ARHGAP15: variants seen among roughly 807,000 people sequenced by gnomAD.
ARHGAP15 encodes the protein Rho GTPase activating protein 15.
In ARHGAP15, 51 loss-of-function variants were observed where a neutral mutation model predicts 63.7. That is an observed-to-expected ratio of 0.80 (90% CI 0.64 to 1.01). ARHGAP15 has a LOEUF of 1.01. Ranked by LOEUF, ARHGAP15 falls within the 50% of genes least tolerant of loss-of-function variation. ARHGAP15 has a pLI of 0.00. For synonymous variants in ARHGAP15, 191 were observed against 193.8 expected (o/e 0.99, Z 0.12); for missense variants, 560 against 564.6 (o/e 0.99, Z 0.08).
intron 6 of ARHGAP15, among the ~76,000 whole-genome samples, chr2:143,390,145 C>T (rs1235287301): frequency 6.6e-6 from 1 of 151,878 alleles, no homozygotes; most frequent in Non-Finnish European, 1.5e-5. Flanking sequence ...TATCTGACAC[C>T]ATCAGGCATA....
Position 143,228,687 on chromosome 2 carries a change from C to A in ARHGAP15, c.384+19C>A. The A allele has an allele frequency of 6.7e-7, 1 of 1,482,526 alleles. No individual in the cohort carries two copies. Among genetic ancestry groups the A allele is most frequent in the South Asian group, 1.4e-5 (1 of 73,396 alleles). 91.8% of individuals were successfully genotyped at this position (1,482,526 alleles called of 1,614,324 possible). ...CAATATGGTAAGTAATTCTCTGTTTCTATTGTTAAATATCTTTTCAGAAAT... is the reference window on the plus strand; with the variant it reads ...CAATATGGTAAGTAATTCTCTGTTTATATTGTTAAATATCTTTTCAGAAAT... On this transcript the variant is annotated intron_variant, in intron 5 of 13. Transcript: ENST00000295095.
rs542812982 is a variant in ARHGAP15 at position 143,481,414 on chromosome 2, AAAT to A, written c.704-5953_704-5951del. Among the ~76,000 whole-genome samples the A allele has an allele frequency of 1.3e-3, 196 of 152,288 alleles. 1 individual carries two copies. Among genetic ancestry groups the A allele is most frequent in the African/African-American group, 4.5e-3 (186 of 41,568 alleles). ...CCAGCACTTCCAAATTTCAAAAAAA[AAAT>A]AATAACAACATGTAATTGTAACATG... On this transcript the variant is annotated intron_variant, in intron 8 of 13. Transcript: ENST00000295095.
intron 13 of ARHGAP15, among the ~76,000 whole-genome samples, chr2:143,764,809 C>T (rs1686891684): frequency 6.6e-6 from 1 of 152,206 alleles, no homozygotes; most frequent in Non-Finnish European, 1.5e-5. Flanking sequence ...GTAACTCTAT[C>T]TTCAATCCTG....
chr2:143,441,854 A>G (rs900790985), intron 8 of ARHGAP15, among the ~76,000 whole-genome samples: 1 of 152,286 alleles, frequency 6.6e-6, no homozygotes, highest in Non-Finnish European at 1.5e-5. Context: ...TCTGGGTGAA[A>G]TCCTAAATGC....
chr2:143,744,751 G>A (rs1022246009), intron 13 of ARHGAP15, among the ~76,000 whole-genome samples: 1 of 152,120 alleles, frequency 6.6e-6, no homozygotes, highest in Non-Finnish European at 1.5e-5. Flanking sequence ...GACTATTATA[G>A]TTTTCCTATG....
At chr2:143,513,998 C>G (rs552789511) in intron 9 of ARHGAP15, among the ~76,000 whole-genome samples, 2 of 152,326 alleles carry the variant, frequency 1.3e-5, no homozygotes, top group African/African-American at 4.8e-5. Flanking sequence ...ATTGCAGGTG[C>G]ATGTGAGAAT....
At chr2:143,314,837 TCA>T in intron 6 of ARHGAP15, among the ~76,000 whole-genome samples, 1 of 148,018 alleles carries the variant, frequency 6.8e-6, no homozygotes, top group South Asian at 2.1e-4. Context: ...ATGAATGACA[TCA>T]CAACGCAATT....
At chr2:143,401,799 G>C (rs1687998535) in intron 6 of ARHGAP15, among the ~76,000 whole-genome samples, 1 of 151,840 alleles carries the variant, frequency 6.6e-6, no homozygotes, top group African/African-American at 2.4e-5. Context: ...TCCTATCGGT[G>C]GTGTGTGTCA....
chr2:143,339,590 C>T (rs541387846), intron 6 of ARHGAP15, among the ~76,000 whole-genome samples: 7 of 152,186 alleles, frequency 4.6e-5, no homozygotes, highest in Admixed American at 2.0e-4. Context: ...CTATTGGCAG[C>T]GAGGCCACCA....
At chr2:143,221,565 ACC>A (rs1418876614) in intron 4 of ARHGAP15, among the ~76,000 whole-genome samples, 1 of 152,302 alleles carries the variant, frequency 6.6e-6, no homozygotes, top group East Asian at 1.9e-4. Flanking sequence ...CCTGTAAGTA[ACC>A]CTGGCTTCTC....
intron 1 of ARHGAP15, among the ~76,000 whole-genome samples, chr2:143,135,286 T>C (rs1280980252): frequency 6.6e-6 from 1 of 152,224 alleles, no homozygotes; most frequent in Admixed American, 6.5e-5. Flanking sequence ...CTAGACAGAA[T>C]ATCTTATTTT....
intron 12 of ARHGAP15, among the ~76,000 whole-genome samples, chr2:143,673,153 T>G (rs1037612591): frequency 6.6e-6 from 1 of 152,174 alleles, no homozygotes; most frequent in Admixed American, 6.5e-5. Flanking sequence ...AAGAAAACCT[T>G]GATTCTTACT....
chr2:143,703,349 AT>A, intron 12 of ARHGAP15, 69 bp from the exon 13 acceptor site: 1 of 1,308,482 alleles, frequency 7.6e-7, no homozygotes, highest in Non-Finnish European at 1.0e-6. Flanking sequence ...TCTCAAGAAA[AT>A]TTTCTCATGT....
chr2:143,691,731 G>A (rs1194148029), intron 12 of ARHGAP15, among the ~76,000 whole-genome samples: 1 of 152,128 alleles, frequency 6.6e-6, no homozygotes, highest in Non-Finnish European at 1.5e-5. Context: ...TAATTTCACT[G>A]TACATCACAC....
intron 2 of ARHGAP15, among the ~76,000 whole-genome samples, chr2:143,176,828 C>T (rs1305277372): frequency 6.6e-6 from 1 of 152,162 alleles, no homozygotes; most frequent in Non-Finnish European, 1.5e-5. Flanking sequence ...ACAGTTCTCT[C>T]ACATGATTGA....
intron 11 of ARHGAP15, among the ~76,000 whole-genome samples, chr2:143,602,439 T>C (rs928866389): frequency 6.6e-6 from 1 of 152,142 alleles, no homozygotes; most frequent in Admixed American, 6.6e-5. Flanking sequence ...CCCTGGGAAA[T>C]GCAAGGAGGG....
intron 8 of ARHGAP15, among the ~76,000 whole-genome samples, chr2:143,465,461 G>A (rs969873607): frequency 2.6e-5 from 4 of 152,074 alleles, no homozygotes; most frequent in South Asian, 2.1e-4. Flanking sequence ...TTACATATAT[G>A]GGCTATTGAA....
At chr2:143,620,047 T>G (rs1258457238) in intron 11 of ARHGAP15, among the ~76,000 whole-genome samples, 3 of 152,218 alleles carry the variant, frequency 2.0e-5, no homozygotes, top group African/African-American at 7.2e-5. Context: ...GTTCAGTGTT[T>G]CAGTTGCCTT....
At chr2:143,360,440 A>G (rs144126964) in intron 6 of ARHGAP15, among the ~76,000 whole-genome samples, 17 of 152,178 alleles carry the variant, frequency 1.1e-4, no homozygotes, top group Admixed American at 2.0e-4. Flanking sequence ...TCAAAAGATT[A>G]TTCTAGGACA....
Sources: gnomAD v4.1 joint callset for allele counts (sites outside exome capture counted in the v4.1 genomes callset) on GRCh38, gnomAD v4.1.1 for gene constraint, MANE v1.5 for transcripts, NCBI Gene and HGNC (gene_info 2026-07-23, HGNC 2026-07-21) for gene names.